Variants in TTBK1 observed in about 807,000 individuals in gnomAD.
TTBK1 encodes the protein tau tubulin kinase 1.
TTBK1 carries 34 observed loss-of-function variants against 108.5 expected under a neutral mutation model. The ratio of observed to expected loss-of-function variants is 0.31; its 90% CI spans 0.24 to 0.42. The LOEUF (loss-of-function observed/expected upper bound fraction) is 0.42. TTBK1 is among the 10% of genes least tolerant of loss of function. The probability of loss-of-function intolerance (pLI) is 1.00; values close to 1 mark genes in which losing one functional copy is unlikely to be tolerated. For missense variants in TTBK1, 1,539 were observed against 1,826.0 expected (o/e 0.84, Z 2.86); for synonymous variants, 809 against 795.1 (o/e 1.02, Z -0.29).
intron 13 of TTBK1, chr6:43,270,649 C>A (rs1021278810): frequency 5.8e-5 from 57 of 985,276 alleles, no homozygotes; most frequent in Non-Finnish European, 6.4e-5. Flanking sequence ...GCCCCTCCCC[C>A]AAGACACCTG....
At chr6:43,284,388 C>CAAGGTGAGGGGCTTCTCCAGAACA in intron 14 of TTBK1, 76 bp downstream of exon 14, 1 of 1,471,554 alleles carries the variant, frequency 6.8e-7, no homozygotes, top group Non-Finnish European at 9.0e-7. Context: ...TCTCCAGAAC[C>CAAGGTGAGGGGCTTCTCCAGAACA]AAGGTCAGGG....
At chr6:43,272,914 G>C (rs2150705380) in intron 13 of TTBK1, among the ~76,000 whole-genome samples, 1 of 152,286 alleles carries the variant, frequency 6.6e-6, no homozygotes, top group African/African-American at 2.4e-5. Flanking sequence ...GCTTTGAAAA[G>C]AGACAGCTGT....
At chr6:43,272,976 A>G (rs933390565) in intron 13 of TTBK1, among the ~76,000 whole-genome samples, 3 of 152,172 alleles carry the variant, frequency 2.0e-5, no homozygotes, top group African/African-American at 7.2e-5. Flanking sequence ...CTCACTCTGC[A>G]TTTAGTGGTG....
chr6:43,270,231 G>A, intron 13 of TTBK1: 1 of 1,256,396 alleles, frequency 8.0e-7, no homozygotes, highest in African/African-American at 1.6e-5. Context: ...CAGGGCAGGG[G>A]CGCTCAGCTG....
intron 13 of TTBK1, chr6:43,271,323 G>T (rs927641808): frequency 1.0e-6 from 1 of 985,484 alleles, no homozygotes; most frequent in Non-Finnish European, 1.2e-6. Context: ...TGGAAGGGCT[G>T]CCATGGATGA....
At position 43,284,984 on chromosome 6, in the gene TTBK1, C is replaced by A; in HGVS notation, c.3574C>A (p.Leu1192Ile). 1 of 1,514,884 alleles carries A rather than the reference C, an allele frequency of 6.6e-7. No individual in the cohort carries two copies. Among genetic ancestry groups the A allele is most frequent in the Admixed American group, 2.1e-5 (1 of 48,354 alleles). 93.8% of individuals were successfully genotyped at this position (1,514,884 alleles called of 1,614,324 possible). ...CTCCTGCCTTCTGCTCTCAAGCAGGCTCCAGCTGCAGACGCCCCCAGGGTC... is the reference window on the plus strand; with the variant it reads ...CTCCTGCCTTCTGCTCTCAAGCAGGATCCAGCTGCAGACGCCCCCAGGGTC... ...PALDTAITSR[L>I]QLQTPPGSAT... Residue 1192 changes from leucine to isoleucine, a missense_variant and splice_region_variant, in exon 15 of 15, where the codon CTC (leucine) becomes ATC (isoleucine). Coordinates refer to ENST00000259750, the MANE Select transcript of TTBK1 (RefSeq NM_032538.3).
rs938061243 is a variant in TTBK1, at chr6:43,263,653, C to T, written c.1986+303C>T. On this transcript the variant is annotated intron_variant, in intron 13 of 14. Coordinates refer to ENST00000259750, the MANE Select transcript of TTBK1 (RefSeq NM_032538.3). This position sits in a 1 kb window ranked among gnomAD's most constrained non-coding sequence, Gnocchi z 4.7. ...GTGTTTTGCACAGGCCGGGAGGGGG[C>T]GATCTGAGAACACTGAGCTGATGGC... is the stretch of plus-strand genomic sequence containing the variant. Among the ~76,000 whole-genome samples the T allele has an allele frequency of 6.6e-6, 1 of 152,052 alleles. No homozygotes were observed.
intron 13 of TTBK1, chr6:43,271,387 A>G (rs1362661267): frequency 1.0e-6 from 1 of 984,762 alleles, no homozygotes; most frequent in Non-Finnish European, 1.2e-6. Flanking sequence ...CATAGACCTC[A>G]ATGTGACTGG....
Position 43,263,212 on chromosome 6 carries a change from G to A in TTBK1, c.1848G>A (p.Leu616=), listed in dbSNP as rs1270208991. Residue 616 remains leucine, a synonymous_variant, in exon 13 of 15, where the codon CTG becomes CTA. Coordinates refer to ENST00000259750, the MANE Select transcript of TTBK1 (RefSeq NM_032538.3). The surrounding 1 kb of genome is among the most constrained non-coding windows in gnomAD (Gnocchi z 4.7). The part of the protein sequence containing the change: ...EDLQHLPPQP[L]PPQLSQGDGR... Reference sequence around the variant, plus strand: ...TGCAGCATTTGCCGCCCCAGCCCCTGCCACCCCAGCTGAGCCAGGGCGATG... The same window carrying A: ...TGCAGCATTTGCCGCCCCAGCCCCTACCACCCCAGCTGAGCCAGGGCGATG... 6.3e-7 allele frequency: 1 copy of A among 1,578,868 alleles called. No homozygotes were observed. The highest frequency in any genetic ancestry group is 8.6e-7 in the Non-Finnish European group (1 of 1,162,124).
In TTBK1 at chr6:43,283,732, C is replaced by T. The variant is rs1778263021; in HGVS notation, c.2992C>T (p.Leu998=). The change falls in exon 14 of 15, where the codon CTG becomes TTG. Residue 998 remains leucine, a synonymous_variant. Transcript: ENST00000259750. The surrounding 1 kb of genome is among the most constrained non-coding windows in gnomAD (Gnocchi z 8.1). ...TGGGGCTGAGATAGAGGGCTCTGCC[C>T]TGTCTGGGGCCCCCCGGGAAACCCC... is the stretch of plus-strand genomic sequence containing the variant. ...LNGAEIEGSA[L]SGAPRETPSE... 1.9e-6 allele frequency: 3 copies of T among 1,613,722 alleles called. No homozygotes were observed. In the East Asian group the frequency reaches 6.7e-5, roughly 36 times the overall value.
intron 13 of TTBK1, among the ~76,000 whole-genome samples, chr6:43,267,142 G>A (rs892204382): frequency 6.6e-6 from 1 of 152,054 alleles, no homozygotes; most frequent in Non-Finnish European, 1.5e-5. Flanking sequence ...GTCTCTGGAT[G>A]AACATATGGG....
Position 43,263,460 on chromosome 6 carries a change from C to A in TTBK1, c.1986+110C>A. 2 of 1,090,498 alleles carry A rather than the reference C, an allele frequency of 1.8e-6. No individual in the cohort carries two copies. The highest frequency in any genetic ancestry group is 4.6e-5 in the South Asian group (2 of 43,744). The allele number at this position is 1,090,498 out of a possible 1,614,324, so 67.6% of individuals were successfully genotyped here. A position where few individuals can be genotyped will look rare whatever the true frequency, so the allele number is the denominator to read the frequency against. On this transcript the variant is annotated intron_variant, in intron 13 of 14. Transcript: ENST00000259750. This position sits in a 1 kb window ranked among gnomAD's most constrained non-coding sequence, Gnocchi z 4.7. ...CACTACTGACCAGTAAGCCAGCAGTCACAGGGCTGTGATGGAGGTAGACAG... is the reference window on the plus strand; with the variant it reads ...CACTACTGACCAGTAAGCCAGCAGTAACAGGGCTGTGATGGAGGTAGACAG...
rs1246498045 is a variant in TTBK1, at chr6:43,288,100, T to C, written c.*2724T>C. 6.6e-6 allele frequency: 1 copy of C among 152,618 alleles called. No individual in the cohort carries two copies. Among genetic ancestry groups the C allele is most frequent in the East Asian group, 1.9e-4 (1 of 5,188 alleles). The allele number at this position is 152,618 out of a possible 1,614,324, so 9.5% of individuals were successfully genotyped here. A position where few individuals can be genotyped will look rare whatever the true frequency, so the allele number is the denominator to read the frequency against. On this transcript the variant is annotated 3_prime_UTR_variant, in exon 15 of 15. Coordinates refer to ENST00000259750, the MANE Select transcript of TTBK1 (RefSeq NM_032538.3). This position sits in a 1 kb window ranked among gnomAD's most constrained non-coding sequence, Gnocchi z 4.4. ...AAGAATGTTTACATGCCAAACAGAATGTAACACCCCTCCCCAAGCCCTTCC... is the reference window on the plus strand; with the variant it reads ...AAGAATGTTTACATGCCAAACAGAACGTAACACCCCTCCCCAAGCCCTTCC...
Position 43,273,454 on chromosome 6 carries a change from A to G in TTBK1, c.1987-9273A>G, listed in dbSNP as rs1777886361. Among the ~76,000 whole-genome samples, 1 of 152,220 alleles carries G rather than the reference A, an allele frequency of 6.6e-6. No individual in the cohort carries two copies. The highest frequency in any genetic ancestry group is 1.5e-5 in the Non-Finnish European group (1 of 68,048). ...AACCCCTCAATCCCACATGGCCCCAAGCATCCCACAGCAGCTCTGGGGATC... is the reference window on the plus strand; with the variant it reads ...AACCCCTCAATCCCACATGGCCCCAGGCATCCCACAGCAGCTCTGGGGATC... On this transcript the variant is annotated intron_variant, in intron 13 of 14. Transcript: ENST00000259750. This position sits in a 1 kb window ranked among gnomAD's most constrained non-coding sequence, Gnocchi z 4.2.
At chr6:43,271,078 G>A (rs906452837) in intron 13 of TTBK1, 1 of 985,512 alleles carries the variant, frequency 1.0e-6, no homozygotes, top group Non-Finnish European at 1.2e-6. Context: ...TCACTGCAGG[G>A]AGCCCAAGTT....
At chr6:43,247,161 A>G (rs945344514) in intron 2 of TTBK1, among the ~76,000 whole-genome samples, 7 of 152,014 alleles carry the variant, frequency 4.6e-5, no homozygotes, top group Non-Finnish European at 1.0e-4. Context: ...CCGCTTCCGC[A>G]GAGGACGGAA....
chr6:43,244,886 C>T (rs980344541), intron 1 of TTBK1, among the ~76,000 whole-genome samples: 1 of 152,200 alleles, frequency 6.6e-6, no homozygotes, highest in Non-Finnish European at 1.5e-5. Context: ...CCCTACCTCT[C>T]CCTTCATCCT....
rs550210442 is a variant in TTBK1 at position 43,285,052 on chromosome 6, C to T, written c.3642C>T (p.Arg1214=). 1.1e-5 allele frequency: 17 copies of T among 1,510,260 alleles called. No individual in the cohort carries two copies. In the South Asian group the frequency reaches 2.0e-4, roughly 17 times the overall value. 93.6% of individuals were successfully genotyped at this position (1,510,260 alleles called of 1,614,324 possible). ...ADLRPKQPPG[R]GLGPGRAQAG... ...TCCGCCCCAAACAACCTCCTGGCCGCGGCCTGGGCCCAGGGCGAGCCCAAG... is the reference window on the plus strand; with the variant it reads ...TCCGCCCCAAACAACCTCCTGGCCGTGGCCTGGGCCCAGGGCGAGCCCAAG... Residue 1214 remains arginine (R), a synonymous_variant, in exon 15 of 15, where the codon CGC becomes CGT. Transcript: ENST00000259750. This position sits in a 1 kb window ranked among gnomAD's most constrained non-coding sequence, Gnocchi z 4.7.
At chr6:43,267,671 T>A (rs1248294009) in intron 13 of TTBK1, among the ~76,000 whole-genome samples, 1 of 152,148 alleles carries the variant, frequency 6.6e-6, no homozygotes, top group Non-Finnish European at 1.5e-5. Flanking sequence ...GGCTTTGTTC[T>A]CAAGGAAATT....
Sources: gnomAD v4.1 joint callset for allele counts (sites outside exome capture counted in the v4.1 genomes callset) on GRCh38, gnomAD v4.1.1 for gene constraint, Gnocchi (gnomAD v3.1) non-coding constraint, MANE v1.5 for transcripts, NCBI Gene and HGNC (gene_info 2026-07-23, HGNC 2026-07-21) for gene names.